IFT43: variants seen among roughly 807,000 people sequenced by gnomAD.
IFT43 encodes intraflagellar transport 43.
IFT43 carries 33 observed loss-of-function variants against 32.3 expected under a neutral mutation model. The observed-to-expected ratio is 1.02, with a 90% CI of 0.77 to 1.37. IFT43 has a LOEUF of 1.37. IFT43 is among the 40% of genes most tolerant of loss of function. The pLI, the probability that IFT43 is intolerant of heterozygous loss-of-function variation, is 0.00. For synonymous variants in IFT43, 93 were observed against 98.2 expected (o/e 0.95, Z 0.31); for missense variants, 274 against 265.9 (o/e 1.03, Z -0.21).
intron 3 of IFT43, chr14:76,022,647 C>T (rs1005322452): frequency 1.2e-5 from 4 of 321,346 alleles, no homozygotes; most frequent in Non-Finnish European, 2.3e-5. Flanking sequence ...TTAGCAGCCA[C>T]TTCCCATGTC....
intron 3 of IFT43, among the ~76,000 whole-genome samples, chr14:76,052,967 C>T (rs1391389001): frequency 3.9e-5 from 6 of 152,108 alleles, no homozygotes; most frequent in Non-Finnish European, 5.9e-5. Flanking sequence ...CGCATGTCTC[C>T]ATGGTGTAAG....
intron 5 of IFT43, among the ~76,000 whole-genome samples, chr14:76,065,814 G>T (rs1488255830): frequency 6.6e-6 from 1 of 152,104 alleles, no homozygotes; most frequent in African/African-American, 2.4e-5. Context: ...TTAAGAGATG[G>T]GATCTATGTT....
intron 2 of IFT43, among the ~76,000 whole-genome samples, chr14:75,994,804 T>G (rs986538129): frequency 1.3e-5 from 2 of 152,232 alleles, no homozygotes; most frequent in African/African-American, 4.8e-5. Flanking sequence ...CAGATTTCTC[T>G]GCTTGAGCCT....
intron 3 of IFT43, among the ~76,000 whole-genome samples, chr14:76,028,652 C>T (rs189705708): frequency 1.1e-3 from 166 of 152,218 alleles, no homozygotes; most frequent in Non-Finnish European, 1.8e-3. Context: ...GTTGTTCCCT[C>T]CTCTATGTCT....
chr14:75,997,468 A>T (rs1167160590), intron 2 of IFT43, among the ~76,000 whole-genome samples: 1 of 152,216 alleles, frequency 6.6e-6, no homozygotes, highest in African/African-American at 2.4e-5. Flanking sequence ...CAACCACTGT[A>T]CCTTCCTCTG....
intron 2 of IFT43, among the ~76,000 whole-genome samples, chr14:76,020,827 G>A (rs952278167): frequency 6.6e-6 from 1 of 152,126 alleles, no homozygotes; most frequent in South Asian, 2.1e-4. Context: ...ATCTGGGCAG[G>A]TCAGTCCTTA....
Position 76,071,891 on chromosome 14 carries a change from C to T in IFT43, c.296-10404C>T, listed in dbSNP as rs560444045. On this transcript the variant is annotated intron_variant, in intron 5 of 8. Transcript: ENST00000314067. ...GGAAATGGTGGTGCTGGGACTCAGACGTGGTCTTTGTGTCTCCTAACCCCC... is the reference window on the plus strand; with the variant it reads ...GGAAATGGTGGTGCTGGGACTCAGATGTGGTCTTTGTGTCTCCTAACCCCC... Among the ~76,000 whole-genome samples the T allele has an allele frequency of 1.4e-3, 218 of 152,098 alleles. 3 individuals carry two copies. The highest frequency in any genetic ancestry group is 4.8e-3 in the African/African-American group (198 of 41,530).
In IFT43 at chr14:76,080,647, G is replaced by A. The variant is rs1242221749; in HGVS notation, c.296-1648G>A. 2.6e-5 allele frequency among the ~76,000 whole-genome samples: 4 copies of A among 152,174 alleles called. No homozygotes were observed. In the East Asian group the frequency reaches 5.8e-4, roughly 22 times the overall value. On this transcript the variant is annotated intron_variant, in intron 5 of 8. Coordinates refer to ENST00000314067, the MANE Select transcript of IFT43 (RefSeq NM_001102564.3). ...AAAACTGTCACACTGCCGATGGTGC[G>A]TGGCACAGCCAGCTTCCTCTCTGTC...
rs142471678 is a variant in IFT43 at position 76,064,859 on chromosome 14, C to G, written c.295+5486C>G. Among the ~76,000 whole-genome samples the G allele has an allele frequency of 4.0e-3, 614 of 152,312 alleles. 3 individuals are homozygous for G. The highest frequency in any genetic ancestry group is 7.8e-3 in the Admixed American group (119 of 15,296). On this transcript the variant is annotated intron_variant, in intron 5 of 8. Coordinates refer to ENST00000314067, the MANE Select transcript of IFT43 (RefSeq NM_001102564.3). ...CTTGTACTCTCCTCCAGGCTTTTCT[C>G]CACCCTGCCTTAAACCTATTCCCAA...
chr14:76,069,557 A>G (rs574879919), intron 5 of IFT43, among the ~76,000 whole-genome samples: 3 of 152,336 alleles, frequency 2.0e-5, no homozygotes, highest in Admixed American at 6.5e-5. Flanking sequence ...TGAGAGGCAC[A>G]CTGACAGGAG....
intron 3 of IFT43, among the ~76,000 whole-genome samples, chr14:76,044,964 G>A (rs545029794): frequency 2.0e-5 from 3 of 152,126 alleles, no homozygotes; most frequent in African/African-American, 4.8e-5. Flanking sequence ...CACATATAAC[G>A]TACAAAATAT....
chr14:76,035,390 G>C (rs2036580142), intron 3 of IFT43, among the ~76,000 whole-genome samples: 1 of 152,152 alleles, frequency 6.6e-6, no homozygotes, highest in Admixed American at 6.5e-5. Context: ...AGGACATTAA[G>C]ATGGCGGTAG....
At chr14:76,065,645 T>A (rs1167188419) in intron 5 of IFT43, among the ~76,000 whole-genome samples, 1 of 152,198 alleles carries the variant, frequency 6.6e-6, no homozygotes, top group Non-Finnish European at 1.5e-5. Flanking sequence ...GTGTAATGAT[T>A]TTGAGATTCA....
At chr14:76,045,829 C>T (rs577017770) in intron 3 of IFT43, among the ~76,000 whole-genome samples, 5 of 152,172 alleles carry the variant, frequency 3.3e-5, no homozygotes, top group Non-Finnish European at 5.9e-5. Context: ...ACCCCTCAGC[C>T]CCAGAGAGGC....
chr14:75,992,858 G>A (rs1398316638), intron 2 of IFT43, among the ~76,000 whole-genome samples: 2 of 152,024 alleles, frequency 1.3e-5, no homozygotes, highest in Admixed American at 6.5e-5. Flanking sequence ...AAGTTTTTTT[G>A]CTTTCTAGTT....
chr14:76,074,198 G>A (rs1028997632), intron 5 of IFT43, among the ~76,000 whole-genome samples: 1 of 152,086 alleles, frequency 6.6e-6, no homozygotes, highest in African/African-American at 2.4e-5. Context: ...TTCCACTGGC[G>A]GCTCTGAGAA....
intron 5 of IFT43, among the ~76,000 whole-genome samples, chr14:76,077,369 G>A (rs914281815): frequency 6.6e-6 from 1 of 152,202 alleles, no homozygotes; most frequent in Non-Finnish European, 1.5e-5. Context: ...GATTCTAACT[G>A]GAACAATGTA....
intron 5 of IFT43, among the ~76,000 whole-genome samples, chr14:76,074,791 CCTT>C (rs1171282482): frequency 2.6e-5 from 4 of 152,178 alleles, no homozygotes; most frequent in Non-Finnish European, 5.9e-5. Flanking sequence ...TTGTAAACCC[CCTT>C]CTTTGCTGAA....
intron 3 of IFT43, chr14:76,058,183 C>T (rs1189028646): frequency 8.3e-6 from 2 of 242,354 alleles, no homozygotes; most frequent in African/African-American, 4.7e-5. Context: ...GTGAAGGGCA[C>T]AGAAAAGCAG....
Sources: allele counts gnomAD v4.1 joint callset (sites outside exome capture counted in the v4.1 genomes callset), GRCh38; gene constraint gnomAD v4.1.1; transcripts MANE v1.5; gene names NCBI Gene and HGNC (gene_info 2026-07-23, HGNC 2026-07-21).